Variants in KDM4B observed in about 807,000 individuals in gnomAD.
KDM4B encodes the protein lysine demethylase 4B.
In KDM4B, 32 loss-of-function variants were observed where a neutral mutation model predicts 125.2. That is an observed-to-expected ratio of 0.26 (90% confidence interval 0.19 to 0.34). The LOEUF is 0.34. KDM4B is among the 10% of genes least tolerant of loss of function. KDM4B has a pLI of 1.00. For synonymous variants in KDM4B, 721 were observed against 677.9 expected (o/e 1.06, Z -0.99); for missense variants, 1,190 against 1,577.7 (o/e 0.75, Z 4.16).
chr19:5,100,854 G>C (rs531833843), intron 9 of KDM4B, among the ~76,000 whole-genome samples: 3 of 152,138 alleles, frequency 2.0e-5, no homozygotes, highest in African/African-American at 7.2e-5. Context: ...TATAAGCCCC[G>C]TTCTTCTTTC....
intron 9 of KDM4B, among the ~76,000 whole-genome samples, chr19:5,086,505 G>A (rs950576247): frequency 5.3e-5 from 8 of 152,228 alleles, no homozygotes; most frequent in African/African-American, 1.2e-4. Context: ...TGGAGGTGGC[G>A]TCTGCGTCTG....
intron 6 of KDM4B, among the ~76,000 whole-genome samples, chr19:5,066,997 C>A (rs1404956707): frequency 7.2e-5 from 11 of 152,146 alleles, no homozygotes; most frequent in Non-Finnish European, 1.3e-4. Flanking sequence ...GTCCTCAGAC[C>A]TCCTAATAGC....
Position 5,081,371 on chromosome 19 carries a change from G to A in KDM4B, c.781-996G>A, listed in dbSNP as rs1568283052. Among the ~76,000 whole-genome samples the A allele has an allele frequency of 1.3e-5, 2 of 152,222 alleles. No individual in the cohort carries two copies. On this transcript the variant is annotated intron_variant, in intron 8 of 22. Coordinates refer to ENST00000159111, the MANE Select transcript of KDM4B (RefSeq NM_015015.3). This position sits in a 1 kb window ranked among gnomAD's most constrained non-coding sequence, Gnocchi z 4.2. Reference sequence around the variant, plus strand: ...TTATCAACGGGCTTAGCAGTGAGCAGGGAGTGGGGGTCAGTGTGGCCATCT... The same window carrying A: ...TTATCAACGGGCTTAGCAGTGAGCAAGGAGTGGGGGTCAGTGTGGCCATCT...
rs1352831594 is a variant in KDM4B at position 5,082,653 on chromosome 19, C to T, written c.918+149C>T. On this transcript the variant is annotated intron_variant, in intron 9 of 22. Coordinates refer to ENST00000159111, the MANE Select transcript of KDM4B (RefSeq NM_015015.3). The surrounding 1 kb of genome is among the most constrained non-coding windows in gnomAD (Gnocchi z 5.4). ...AACCAGGGTCTGATTCTGGGCTCCT[C>T]AGAGAGCTTTTGCCCAGAACGCTCC... The T allele has an allele frequency of 1.1e-6, 1 of 898,496 alleles. No homozygotes were observed. Among genetic ancestry groups the T allele is most frequent in the African/African-American group, 1.7e-5 (1 of 57,832 alleles). 55.7% of individuals were successfully genotyped at this position (898,496 alleles called of 1,614,324 possible). A position where few individuals can be genotyped will look rare whatever the true frequency, so the allele number is the denominator to read the frequency against.
intron 1 of KDM4B, among the ~76,000 whole-genome samples, chr19:5,012,284 T>G (rs1278144775): frequency 2.0e-5 from 3 of 152,088 alleles, no homozygotes; most frequent in Admixed American, 2.0e-4. Context: ...GTAGTGAGAG[T>G]TCCCGTCTCT....
intron 1 of KDM4B, among the ~76,000 whole-genome samples, chr19:4,990,200 G>A (rs1471830232): frequency 6.6e-6 from 1 of 152,152 alleles, no homozygotes; most frequent in Non-Finnish European, 1.5e-5. Context: ...TGAGGCAGAA[G>A]GATCGCTTGA....
intron 21 of KDM4B, among the ~76,000 whole-genome samples, chr19:5,147,788 G>A (rs372605315): frequency 4.6e-5 from 7 of 151,690 alleles, no homozygotes; most frequent in African/African-American, 1.5e-4. Context: ...TGCTCGGGGC[G>A]GGGGGGCAGA....
intron 1 of KDM4B, among the ~76,000 whole-genome samples, chr19:5,015,935 T>C (rs1334591611): frequency 6.6e-6 from 1 of 152,196 alleles, no homozygotes; most frequent in Non-Finnish European, 1.5e-5. Flanking sequence ...GCAAAACTTC[T>C]TGAAAATCTC....
Position 5,041,099 on chromosome 19 carries a change from C to A in KDM4B, c.318-38C>A, listed in dbSNP as rs777436591. ...GAGGGTGGGCTGCGTAGCACCCAGG[C>A]CTCACCCTGAGCTGGTTTTGGGGTG... On this transcript the variant is annotated intron_variant, in intron 4 of 22. Transcript: ENST00000159111. 3 of 1,428,700 alleles carry A rather than the reference C, an allele frequency of 2.1e-6. No homozygotes were observed. In the African/African-American group the frequency reaches 4.2e-5, roughly 20 times the overall value. The allele number at this position is 1,428,700 out of a possible 1,614,324, so 88.5% of individuals were successfully genotyped here.
intron 14 of KDM4B, among the ~76,000 whole-genome samples, chr19:5,135,050 C>T (rs2039623254): frequency 6.6e-6 from 1 of 152,194 alleles, no homozygotes; most frequent in Non-Finnish European, 1.5e-5. Context: ...GCGCCAGGGG[C>T]CACCCAGCAC....
At chr19:4,982,668 A>C (rs111300203) in intron 1 of KDM4B, among the ~76,000 whole-genome samples, 7,226 of 150,544 alleles carry the variant, frequency 0.048, 518 homozygotes, top group African/African-American at 0.15. Flanking sequence ...GCTGGAGTGC[A>C]GTGGCGAGAT....
At chr19:5,091,816 G>A (rs190620549) in intron 9 of KDM4B, among the ~76,000 whole-genome samples, 253 of 152,280 alleles carry the variant, frequency 1.7e-3, no homozygotes, top group Non-Finnish European at 3.1e-3. Context: ...CCTCTGACCC[G>A]CTGGAGCCCA....
chr19:5,144,607 C>T (rs1337531331), intron 20 of KDM4B, among the ~76,000 whole-genome samples, 176 bp from the exon 21 acceptor site: 1 of 152,238 alleles, frequency 6.6e-6, no homozygotes, highest in Non-Finnish European at 1.5e-5. Flanking sequence ...CACTGTTCAG[C>T]AGAAAGCGAC....
At position 5,062,773 on chromosome 19, in the gene KDM4B, CTG is replaced by C. The variant is rs1555703177; in HGVS notation, c.627-8235_627-8234del. 6.4e-5 allele frequency among the ~76,000 whole-genome samples: 7 copies of C among 109,278 alleles called. No homozygotes were observed. In the Admixed American group the frequency reaches 7.0e-4, roughly 11 times the overall value. The allele number at this position is 109,278 out of a possible 152,430, so 71.7% of individuals were successfully genotyped here. On this transcript the variant is annotated intron_variant, in intron 6 of 22. Transcript: ENST00000159111. ...AGTAGAAACTTATGTTATAATTAAA[CTG>C]TTTTTTTTTTTTTTTTTTTTTTAGA...
chr19:5,067,557 G>A (rs1325555527), intron 6 of KDM4B, among the ~76,000 whole-genome samples: 2 of 152,022 alleles, frequency 1.3e-5, no homozygotes, highest in Admixed American at 6.5e-5. Flanking sequence ...GCGGGGTCCC[G>A]GGGAGGTTGA....
rs571774204 is a variant in KDM4B at position 5,066,769 on chromosome 19, G to A, written c.627-4241G>A. Among the ~76,000 whole-genome samples, 13 of 152,346 alleles carry A rather than the reference G, an allele frequency of 8.5e-5. No individual in the cohort carries two copies. In the South Asian group the frequency reaches 1.5e-3, roughly 17 times the overall value. ...CTCCAGATCCCGGGCTGGAGATGCG[G>A]AGCCGAGTTTCTATGACTTTGTGGT... On this transcript the variant is annotated intron_variant, in intron 6 of 22. Coordinates refer to ENST00000159111, the MANE Select transcript of KDM4B (RefSeq NM_015015.3).
chr19:5,087,421 C>G (rs961645850), intron 9 of KDM4B, among the ~76,000 whole-genome samples: 2 of 152,220 alleles, frequency 1.3e-5, no homozygotes, highest in South Asian at 4.1e-4. Flanking sequence ...GGACCTGCTC[C>G]CCTCGGGGCT....
intron 11 of KDM4B, among the ~76,000 whole-genome samples, chr19:5,125,884 G>A (rs368138817): frequency 5.3e-5 from 8 of 151,890 alleles, no homozygotes; most frequent in African/African-American, 1.9e-4. Context: ...CCGTTTTCCC[G>A]GGAGCCCGAA....
chr19:5,114,800 TGTTACTGG>T lies in KDM4B; in HGVS notation c.1115+3985_1115+3992del, dbSNP rs2039223292. On this transcript the variant is annotated intron_variant, in intron 10 of 22. Coordinates refer to ENST00000159111, the MANE Select transcript of KDM4B (RefSeq NM_015015.3). This position sits in a 1 kb window ranked among gnomAD's most constrained non-coding sequence, Gnocchi z 5.8. ...CACTCTGGGTGCTGCAGGTGCCCTG[TGTTACTGG>T]GTGACAGGGCCAGAGGCCGTCCACC... is the stretch of plus-strand genomic sequence containing the variant. Among the ~76,000 whole-genome samples, 2 of 152,226 alleles carry T rather than the reference TGTTACTGG, an allele frequency of 1.3e-5. No individual in the cohort carries two copies. The highest frequency in any genetic ancestry group is 2.9e-5 in the Non-Finnish European group (2 of 68,040).
Sources: gnomAD v4.1 joint callset for allele counts (sites outside exome capture counted in the v4.1 genomes callset) on GRCh38, gnomAD v4.1.1 for gene constraint, Gnocchi (gnomAD v3.1) non-coding constraint, MANE v1.5 for transcripts, NCBI Gene and HGNC (gene_info 2026-07-23, HGNC 2026-07-21) for gene names.